The following MYO6 variants were observed in gnomAD, a reference collection of about 807,000 sequenced individuals.
MYO6 encodes myosin VI, also known as unconventional myosin-VI.
A neutral mutation model predicts 178.7 loss-of-function variants in MYO6; 74 were observed. That is an observed-to-expected ratio of 0.41 (90% confidence interval 0.34 to 0.50). The LOEUF (loss-of-function observed/expected upper bound fraction) is 0.50, where lower values mean the gene tolerates loss of function less well. Ranked by LOEUF, MYO6 falls within the 20% of genes least tolerant of loss-of-function variation. The pLI, the probability that MYO6 is intolerant of heterozygous loss-of-function variation, is 0.09. For synonymous variants in MYO6, 477 were observed against 504.6 expected (o/e 0.95, Z 0.73); for missense variants, 1,330 against 1,547.4 (o/e 0.86, Z 2.36).
chr6:75,798,980 A>G, intron 1 of MYO6, among the ~76,000 whole-genome samples: 1 of 152,230 alleles, frequency 6.6e-6, no homozygotes, highest in East Asian at 1.9e-4. Context: ...CTGAAAGTCA[A>G]ATCAAGAACA....
rs755351456 is a variant in MYO6 at position 75,891,222 on chromosome 6, T to C, written c.2868-6T>C. On this transcript the variant is annotated splice_region_variant and splice_polypyrimidine_tract_variant and intron_variant, in intron 26 of 34. Coordinates refer to ENST00000369977, the MANE Select transcript of MYO6 (RefSeq NM_004999.4). The stretch of plus-strand genomic sequence containing the variant: ...AATTTTTGAAGAGTTTTCTATTTTT[T>C]ATTAGGAAACTTGAGATGGAAGCAA... 1.3e-6 allele frequency: 2 copies of C among 1,588,524 alleles called. No individual in the cohort carries two copies. Among genetic ancestry groups the C allele is most frequent in the African/African-American group, 2.7e-5 (2 of 74,110 alleles).
rs568177088 is a variant in MYO6 at position 75,773,450 on chromosome 6, G to A, written c.-48+24027G>A. On this transcript the variant is annotated intron_variant, in intron 1 of 34. Coordinates refer to ENST00000369977, the MANE Select transcript of MYO6 (RefSeq NM_004999.4). ...TTCAAATGCAGAAGGTAGTGATCAT[G>A]TATCAATCAGTATTTTTTGGTGAAA... 7.9e-4 allele frequency among the ~76,000 whole-genome samples: 121 copies of A among 152,328 alleles called. 3 individuals are homozygous for A. In the South Asian group the frequency reaches 0.018, roughly 22 times the overall value.
intron 14 of MYO6, among the ~76,000 whole-genome samples, chr6:75,859,682 T>G (rs949115711): frequency 1.3e-5 from 2 of 150,004 alleles, no homozygotes; most frequent in African/African-American, 2.5e-5. Flanking sequence ...TTTTTTTTTT[T>G]TTTGAGACGA....
In MYO6 at chr6:75,866,634, T is replaced by G; in HGVS notation, c.1770+13T>G. On this transcript the variant is annotated intron_variant, in intron 17 of 34. Coordinates refer to ENST00000369977, the MANE Select transcript of MYO6 (RefSeq NM_004999.4). The stretch of plus-strand genomic sequence containing the variant: ...GTGCTATGAAACAGTGAGTATAACT[T>G]TTACAAGGAGAAAACCATTTCATGT... The G allele has an allele frequency of 6.2e-7, 1 of 1,603,102 alleles. No homozygotes were observed.
chr6:75,865,107 T>G (rs1776536817), intron 16 of MYO6: 1 of 150,444 alleles, frequency 6.6e-6, no homozygotes, highest in South Asian at 2.1e-4. Flanking sequence ...TCAATTTTAT[T>G]TTTTTGATTT....
intron 12 of MYO6, among the ~76,000 whole-genome samples, chr6:75,856,514 C>G (rs1384045263): frequency 1.3e-5 from 2 of 150,790 alleles, no homozygotes; most frequent in East Asian, 1.9e-4. Flanking sequence ...CTCTTGGTAC[C>G]CCATGCTTAT....
At chr6:75,782,435 G>A (rs188394996) in intron 1 of MYO6, among the ~76,000 whole-genome samples, 64 of 152,094 alleles carry the variant, frequency 4.2e-4, no homozygotes, top group African/African-American at 1.5e-3. Flanking sequence ...GGGCAGGACA[G>A]CATGAAAGTA....
rs1581993791 is a variant in MYO6, at chr6:75,907,661, G to A, written c.3233G>A (p.Ser1078Asn). ...GCTGGTACTAAGAAATATGATCTTA[G>A]TAAATGGAAATATGCAGAACTACGT... The part of the protein sequence containing the change: ...AAAGTKKYDL[S>N]KWKYAELRDT... The change falls in exon 31 of 35, where the codon AGT (serine) becomes AAT (asparagine). Residue 1078 changes from serine to asparagine, a missense_variant. Physicochemically the swap from Ser to Asn is conservative, Grantham distance 46. Around this residue, in one of 3 missense-constraint regions of MYO6, gnomAD observed 601 missense variants for 626.1 expected, o/e 0.96. Transcript: ENST00000369977. 1 of 1,613,648 alleles carries A rather than the reference G, an allele frequency of 6.2e-7. No individual in the cohort carries two copies. The highest frequency in any genetic ancestry group is 8.5e-7 in the Non-Finnish European group (1 of 1,179,876).
chr6:75,867,242 G>T, intron 18 of MYO6, 137 bp downstream of exon 18: 1 of 692,036 alleles, frequency 1.4e-6, no homozygotes, highest in Non-Finnish European at 2.4e-6. Flanking sequence ...GTTGATATTT[G>T]TATGTAAAAT....
At chr6:75,900,103 T>A (rs1399321059) in intron 30 of MYO6, among the ~76,000 whole-genome samples, 7 of 151,938 alleles carry the variant, frequency 4.6e-5, no homozygotes, top group African/African-American at 1.7e-4. Flanking sequence ...CCATGGTGTA[T>A]ATGTGCCACA....
At position 75,772,377 on chromosome 6, in the gene MYO6, A is replaced by G. The variant is rs530861942; in HGVS notation, c.-48+22954A>G. On this transcript the variant is annotated intron_variant, in intron 1 of 34. Coordinates refer to ENST00000369977, the MANE Select transcript of MYO6 (RefSeq NM_004999.4). ...TAAAGCCTTCTCATTCGCATAGATA[A>G]TTTTGTAAGTCTGAATAGCCTAATT... Among the ~76,000 whole-genome samples the G allele has an allele frequency of 8.5e-5, 13 of 152,154 alleles. 1 individual carries two copies. The highest frequency in any genetic ancestry group is 3.1e-4 in the African/African-American group (13 of 41,538).
At chr6:75,797,461 A>G (rs1042594832) in intron 1 of MYO6, among the ~76,000 whole-genome samples, 1 of 151,798 alleles carries the variant, frequency 6.6e-6, no homozygotes, top group Non-Finnish European at 1.5e-5. Flanking sequence ...AGAACGATTT[A>G]TTTTCCTTTG....
chr6:75,846,897 G>T (rs1172299258), intron 10 of MYO6, among the ~76,000 whole-genome samples: 1 of 152,066 alleles, frequency 6.6e-6, no homozygotes, highest in Non-Finnish European at 1.5e-5. Flanking sequence ...TTCACATTGA[G>T]TGTGCGTTTA....
At chr6:75,902,449 G>A (rs558835949) in intron 30 of MYO6, among the ~76,000 whole-genome samples, 3 of 152,018 alleles carry the variant, frequency 2.0e-5, no homozygotes, top group Admixed American at 2.0e-4. Context: ...CTGGTTTAGT[G>A]TTGGGAGAGT....
At chr6:75,867,229 AT>A (rs1276104297) in intron 18 of MYO6, 124 bp downstream of exon 18, 3 of 742,506 alleles carry the variant, frequency 4.0e-6, no homozygotes, top group Non-Finnish European at 6.5e-6. Flanking sequence ...CAGACCCTGC[AT>A]TGTTGATATT....
chr6:75,826,412 G>C (rs940727766), intron 3 of MYO6, among the ~76,000 whole-genome samples: 2 of 152,240 alleles, frequency 1.3e-5, no homozygotes, highest in Admixed American at 1.3e-4. Context: ...AGGAGAGCAA[G>C]TAGTAATTCC....
At chr6:75,864,326 A>G (rs1776465429) in intron 16 of MYO6, among the ~76,000 whole-genome samples, 1 of 152,218 alleles carries the variant, frequency 6.6e-6, no homozygotes, top group African/African-American at 2.4e-5. Flanking sequence ...TGAAAAGCTC[A>G]TGTAATTGTG....
At chr6:75,784,251 G>T (rs1381112437) in intron 1 of MYO6, among the ~76,000 whole-genome samples, 2 of 151,942 alleles carry the variant, frequency 1.3e-5, no homozygotes, top group African/African-American at 4.8e-5. Context: ...GATTACAGGT[G>T]TGAGCCACCG....
At chr6:75,855,405 A>G in intron 12 of MYO6, 122 bp downstream of exon 12, 1 of 913,174 alleles carries the variant, frequency 1.1e-6, no homozygotes, top group Non-Finnish European at 1.7e-6. Context: ...ATCTCAGTGT[A>G]GTAATCCACC....
Sources: gnomAD v4.1 joint callset for allele counts (sites outside exome capture counted in the v4.1 genomes callset) on GRCh38, gnomAD v4.1.1 for gene constraint, gnomAD v4.1.1 regional missense constraint, MANE v1.5 for transcripts, NCBI Gene and HGNC (gene_info 2026-07-23, HGNC 2026-07-21) for gene names.